Variants in PRKG1 observed in about 807,000 individuals in gnomAD.
PRKG1 encodes cGMP-dependent protein kinase 1.
Under a neutral mutation model 88.1 loss-of-function variants are expected in PRKG1, and 35 were observed. The ratio of observed to expected loss-of-function variants is 0.40; its 90% CI spans 0.30 to 0.53. The LOEUF is 0.53. Ranked by LOEUF, PRKG1 falls within the 20% of genes least tolerant of loss-of-function variation. The pLI, the probability that PRKG1 is intolerant of heterozygous loss-of-function variation, is 0.59. For synonymous variants in PRKG1, 303 were observed against 292.5 expected, an observed-to-expected ratio of 1.04 and a Z score of -0.37; for missense variants, 540 against 839.8, an observed-to-expected ratio of 0.64 and a Z score of 4.41.
intron 9 of PRKG1, among the ~76,000 whole-genome samples, chr10:52,180,943 GC>G (rs1839008436): frequency 6.6e-6 from 1 of 152,158 alleles, no homozygotes; most frequent in Non-Finnish European, 1.5e-5. Flanking sequence ...TTCTCAGCTG[GC>G]CTGAGTGTAT....
At chr10:51,798,599 C>T (rs535825539) in intron 3 of PRKG1, among the ~76,000 whole-genome samples, 1 of 152,132 alleles carries the variant, frequency 6.6e-6, no homozygotes, top group East Asian at 1.9e-4. Flanking sequence ...TGGGACTCAG[C>T]CTGGTACATT....
intron 7 of PRKG1, among the ~76,000 whole-genome samples, chr10:52,090,402 A>G (rs1165468384): frequency 1.3e-5 from 2 of 152,314 alleles, no homozygotes; most frequent in African/African-American, 2.4e-5. Flanking sequence ...AAGTCCCTAC[A>G]GATACAAGTA....
intron 3 of PRKG1, among the ~76,000 whole-genome samples, chr10:51,632,185 A>G (rs1230652556): frequency 6.6e-6 from 1 of 151,972 alleles, no homozygotes; most frequent in East Asian, 1.9e-4. Flanking sequence ...TTCTTCTTCT[A>G]ATATGGCCCA....
intron 3 of PRKG1, among the ~76,000 whole-genome samples, chr10:51,549,124 T>TC (rs1372665182): frequency 1.1e-4 from 12 of 111,536 alleles, no homozygotes; most frequent in South Asian, 1.1e-3. Context: ...TCTTTTCTTT[T>TC]TTTTTTTTTT....
At chr10:51,604,153 A>T in intron 3 of PRKG1, among the ~76,000 whole-genome samples, 1 of 143,226 alleles carries the variant, frequency 7.0e-6, no homozygotes, top group African/African-American at 2.6e-5. Flanking sequence ...CTTAAACATT[A>T]TTTCCCATGA....
chr10:51,328,047 T>A (rs929755683), intron 2 of PRKG1, among the ~76,000 whole-genome samples: 16 of 152,222 alleles, frequency 1.1e-4, no homozygotes, highest in Non-Finnish European at 2.2e-4. Flanking sequence ...GTCATGAGGT[T>A]ATACAATAGA....
intron 5 of PRKG1, among the ~76,000 whole-genome samples, chr10:51,982,458 C>T (rs1844034304): frequency 6.6e-6 from 1 of 152,162 alleles, no homozygotes; most frequent in South Asian, 2.1e-4. Flanking sequence ...TTTCTTCATG[C>T]TTTGAAGTCG....
At chr10:52,253,691 C>A (rs907051629) in intron 10 of PRKG1, among the ~76,000 whole-genome samples, 2 of 151,778 alleles carry the variant, frequency 1.3e-5, no homozygotes, top group African/African-American at 4.8e-5. Context: ...ATTTTCCTCT[C>A]ATGGATATTA....
At chr10:51,048,840 G>T (rs1441223983) in intron 1 of PRKG1, among the ~76,000 whole-genome samples, 2 of 148,768 alleles carry the variant, frequency 1.3e-5, no homozygotes, top group African/African-American at 2.5e-5. Context: ...ACTAAGAAGA[G>T]GGAGTATAGT....
At chr10:51,741,951 G>C (rs1432208367) in intron 3 of PRKG1, among the ~76,000 whole-genome samples, 1 of 152,140 alleles carries the variant, frequency 6.6e-6, no homozygotes. Context: ...TTAGTGTTCT[G>C]TGTTTAATAA....
chr10:51,376,887 G>A (rs1842828750), intron 2 of PRKG1, among the ~76,000 whole-genome samples: 1 of 152,140 alleles, frequency 6.6e-6, no homozygotes, highest in African/African-American at 2.4e-5. Flanking sequence ...ATGTTGGCCA[G>A]ACTGTTTTTG....
chr10:51,574,360 A>G (rs1457559855), intron 3 of PRKG1, among the ~76,000 whole-genome samples: 1 of 151,864 alleles, frequency 6.6e-6, no homozygotes, highest in Middle Eastern at 3.2e-3. Flanking sequence ...GGGTTGCATG[A>G]TTGCTATGTT....
At chr10:51,112,931 G>A (rs557548033) in intron 1 of PRKG1, among the ~76,000 whole-genome samples, 2 of 152,114 alleles carry the variant, frequency 1.3e-5, no homozygotes, top group Non-Finnish European at 2.9e-5. Context: ...AATATACCAG[G>A]TTGTATTCAG....
At chr10:51,163,963 G>C (rs1171991390) in intron 2 of PRKG1, among the ~76,000 whole-genome samples, 3 of 152,188 alleles carry the variant, frequency 2.0e-5, no homozygotes, top group Non-Finnish European at 4.4e-5. Flanking sequence ...CACTTCTGGG[G>C]GCAGGGCACA....
chr10:52,104,247 A>G (rs1428303828), intron 7 of PRKG1, among the ~76,000 whole-genome samples: 1 of 151,926 alleles, frequency 6.6e-6, no homozygotes, highest in Non-Finnish European at 1.5e-5. Flanking sequence ...GGATTTCAAT[A>G]AAGTAATAGA....
intron 5 of PRKG1, among the ~76,000 whole-genome samples, chr10:52,002,226 A>C (rs1844618001): frequency 6.6e-6 from 1 of 152,076 alleles, no homozygotes; most frequent in Non-Finnish European, 1.5e-5. Flanking sequence ...TCAGTGATGG[A>C]TTACATAACA....
At chr10:51,157,441 G>A (rs1279360963) in intron 2 of PRKG1, among the ~76,000 whole-genome samples, 13 of 151,896 alleles carry the variant, frequency 8.6e-5, no homozygotes, top group Non-Finnish European at 1.2e-4. Context: ...TAAACAGATA[G>A]ACTTTGGCCT....
intron 9 of PRKG1, among the ~76,000 whole-genome samples, chr10:52,248,869 T>C (rs916516808): frequency 2.1e-4 from 31 of 150,470 alleles, no homozygotes; most frequent in Admixed American, 1.9e-3. Flanking sequence ...TTGTTAGCAA[T>C]GTTGCCTTTC....
chr10:52,027,387 A>T (rs1439337945), intron 5 of PRKG1, among the ~76,000 whole-genome samples: 1 of 152,150 alleles, frequency 6.6e-6, no homozygotes, highest in East Asian at 1.9e-4. Context: ...TATATTGCAA[A>T]AGGCTTGTAT....
Sources: gnomAD v4.1 joint callset for allele counts (sites outside exome capture counted in the v4.1 genomes callset) on GRCh38, gnomAD v4.1.1 for gene constraint, MANE v1.5 for transcripts, NCBI Gene and HGNC (gene_info 2026-07-23, HGNC 2026-07-21) for gene names.